SYTL5: variants seen among roughly 807,000 people sequenced by gnomAD.
The protein encoded by SYTL5 is synaptotagmin-like protein 5.
SYTL5 carries 34 observed loss-of-function variants against 55.9 expected under a neutral mutation model. That is an observed-to-expected ratio of 0.61 (90% CI 0.46 to 0.81). The LOEUF (loss-of-function observed/expected upper bound fraction) is 0.81, where lower values mean the gene tolerates loss of function less well. SYTL5 is among the 30% of genes least tolerant of loss of function. SYTL5 has a pLI of 0.00. For missense variants in SYTL5, 637 were observed against 546.7 expected (o/e 1.17, Z -1.65); for synonymous variants, 221 against 188.7 (o/e 1.17, Z -1.40).
At position 38,033,771 on chromosome X, in the gene SYTL5, C is replaced by A. The variant is rs1935027790; in HGVS notation, c.-119C>A. ...AATTCTGCAGAGACCTTGTAAAAATCACACTTTACACCAAACAACTGAGTG... is the reference window on the plus strand; with the variant it reads ...AATTCTGCAGAGACCTTGTAAAAATAACACTTTACACCAAACAACTGAGTG... On this transcript the variant is annotated 5_prime_UTR_variant, in exon 2 of 17. Coordinates refer to ENST00000297875, the MANE Select transcript of SYTL5 (RefSeq NM_138780.3). 1 of 414,159 alleles carries A rather than the reference C, an allele frequency of 2.4e-6. No individual in the cohort carries two copies. The highest frequency in any genetic ancestry group is 3.8e-5 in the East Asian group (1 of 26,656). The allele number at this position is 414,159 out of a possible 1,213,427, so 34.1% of individuals were successfully genotyped here.
the SYTL5 span, among the ~76,000 whole-genome samples, chrX:37,981,753 A>C: frequency 2.7e-5 from 3 of 111,368 alleles, no homozygotes; most frequent in Non-Finnish European, 5.6e-5. Flanking sequence ...GTGATCAGGG[A>C]AAGAGAAAAA....
rs758634913 is a variant in SYTL5, at chrX:38,012,143, T to C, written c.-357+5475T>C. On this transcript the variant is annotated intron_variant, in intron 1 of 16. Transcript: ENST00000297875. ...TTTCTAACAGAATGCCAGGAAACAC[T>C]CTGTTCCTACAATAAGAACATGTCT... Among the ~76,000 whole-genome samples, 3 of 112,237 alleles carry C rather than the reference T, an allele frequency of 2.7e-5. No individual in the cohort carries two copies. The Admixed American group carries it at 2.8e-4, about 11-fold the overall frequency.
chrX:37,937,285 A>T, the SYTL5 span, among the ~76,000 whole-genome samples: 1 of 110,607 alleles, frequency 9.0e-6, no homozygotes, highest in Non-Finnish European at 1.9e-5. Context: ...CCCTTAAAGT[A>T]GAGAATTTTC....
intron 2 of SYTL5, among the ~76,000 whole-genome samples, chrX:38,045,801 A>G (rs1935444416): frequency 8.9e-6 from 1 of 112,447 alleles, no homozygotes; most frequent in African/African-American, 3.2e-5. Context: ...AAAGTTATAC[A>G]AAATGTATTA....
chrX:37,917,970 T>A, the SYTL5 span, among the ~76,000 whole-genome samples: 116 of 111,887 alleles, frequency 1.0e-3, no homozygotes, highest in Non-Finnish European at 1.9e-3. Flanking sequence ...ATTGTGAGTT[T>A]CAACCCCTGA....
the SYTL5 span, among the ~76,000 whole-genome samples, chrX:37,927,154 G>C: frequency 8.9e-6 from 1 of 111,879 alleles, no homozygotes. Context: ...CTACATACTG[G>C]AAAACTTTAA....
chrX:37,942,958 T>C, the SYTL5 span, among the ~76,000 whole-genome samples: 1 of 111,629 alleles, frequency 9.0e-6, no homozygotes, highest in African/African-American at 3.3e-5. Flanking sequence ...TCTCTCTTAC[T>C]CTGTTTCATG....
At chrX:37,905,776 G>A in the SYTL5 span, among the ~76,000 whole-genome samples, 1 of 112,963 alleles carries the variant, frequency 8.9e-6, no homozygotes, top group African/African-American at 3.2e-5. Flanking sequence ...GGGGAGCCGA[G>A]AAGAGGGAGA....
chrX:38,060,855 G>T (rs1935923911), intron 3 of SYTL5, among the ~76,000 whole-genome samples: 2 of 111,875 alleles, frequency 1.8e-5, no homozygotes, highest in Non-Finnish European at 3.8e-5. Context: ...CAGAACTTCT[G>T]AATCAATTGC....
chrX:37,974,195 A>C, the SYTL5 span, among the ~76,000 whole-genome samples: 172 of 112,152 alleles, frequency 1.5e-3, no homozygotes, highest in Non-Finnish European at 2.6e-3. Context: ...AATGTCTATC[A>C]GCTAATGAAT....
At chrX:37,956,944 C>T in the SYTL5 span, among the ~76,000 whole-genome samples, 1 of 111,868 alleles carries the variant, frequency 8.9e-6, no homozygotes, top group South Asian at 3.7e-4. Context: ...ACATCTTCAC[C>T]AACACTTGAT....
intron 6 of SYTL5, among the ~76,000 whole-genome samples, chrX:38,080,364 G>A (rs752352117): frequency 1.2e-4 from 14 of 112,103 alleles, no homozygotes; most frequent in Non-Finnish European, 2.4e-4. Flanking sequence ...TACATGGAAT[G>A]TGAACAGACG....
rs191183338 is a variant in SYTL5, at chrX:38,078,750, A to G, written c.689+2049A>G. Among the ~76,000 whole-genome samples, 922 of 112,377 alleles carry G rather than the reference A, an allele frequency of 8.2e-3. 10 individuals are homozygous for G. Among genetic ancestry groups the G allele is most frequent in the African/African-American group, 0.029 (887 of 30,955 alleles). ...TGTGTATTATCTACTACTAGGCATA[A>G]ATAACCAAAACTATAAAGCCATATG... is the stretch of plus-strand genomic sequence containing the variant. On this transcript the variant is annotated intron_variant, in intron 6 of 16. Transcript: ENST00000297875.
chrX:38,121,714 C>T (rs1370535163), intron 14 of SYTL5, among the ~76,000 whole-genome samples: 3 of 112,253 alleles, frequency 2.7e-5, no homozygotes, highest in Middle Eastern at 4.2e-3. Flanking sequence ...AGTTTTGGTG[C>T]ATGTATATTG....
At chrX:37,912,632 C>T in the SYTL5 span, among the ~76,000 whole-genome samples, 1 of 111,958 alleles carries the variant, frequency 8.9e-6, no homozygotes, top group African/African-American at 3.3e-5. Flanking sequence ...GATGACTCAT[C>T]GAAGTGAATT....
the SYTL5 span, among the ~76,000 whole-genome samples, chrX:37,892,342 TTTTA>T: frequency 2.2e-4 from 24 of 106,837 alleles, no homozygotes; most frequent in African/African-American, 6.7e-4. Flanking sequence ...ATGTCAAAGG[TTTTA>T]TTTATTTATT....
chrX:38,055,871 G>T (rs1935765626), intron 3 of SYTL5, among the ~76,000 whole-genome samples: 1 of 111,813 alleles, frequency 8.9e-6, no homozygotes, highest in Admixed American at 9.5e-5. Flanking sequence ...TGGGGTACAT[G>T]AGATATTTTG....
At chrX:38,060,538 T>A (rs1243947555) in intron 3 of SYTL5, among the ~76,000 whole-genome samples, 1 of 112,078 alleles carries the variant, frequency 8.9e-6, no homozygotes, top group Non-Finnish European at 1.9e-5. Flanking sequence ...ACTTGTTAAA[T>A]GAACAGATAG....
the SYTL5 span, among the ~76,000 whole-genome samples, chrX:37,895,500 CTTTCTT>C: frequency 8.5e-5 from 5 of 59,118 alleles, no homozygotes; most frequent in African/African-American, 5.3e-4. Context: ...TTCTTTCTTT[CTTTCTT>C]TTTCTTTTCT....
Sources: gnomAD v4.1 joint callset for allele counts (sites outside exome capture counted in the v4.1 genomes callset) on GRCh38, gnomAD v4.1.1 for gene constraint, MANE v1.5 for transcripts, NCBI Gene and HGNC (gene_info 2026-07-23, HGNC 2026-07-21) for gene names.